TDRKH: variants seen among roughly 807,000 people sequenced by gnomAD.
TDRKH encodes the protein tudor and KH domain containing.
TDRKH carries 28 observed loss-of-function variants against 61.3 expected under a neutral mutation model. The ratio of observed to expected loss-of-function variants is 0.46; its 90% CI spans 0.34 to 0.63. TDRKH has a LOEUF of 0.63. Among genes scored for constraint, TDRKH ranks in the 20% least tolerant of loss-of-function variants. The pLI is 0.01. For missense variants in TDRKH, 540 were observed against 683.4 expected, an observed-to-expected ratio of 0.79 and a Z score of 2.34; for synonymous variants, 219 against 244.4, an observed-to-expected ratio of 0.90 and a Z score of 0.97.
downstream of TDRKH, among the ~76,000 whole-genome samples, chr1:151,769,150 C>T (rs1648491279): frequency 6.6e-6 from 1 of 152,042 alleles, no homozygotes; most frequent in Non-Finnish European, 1.5e-5. Flanking sequence ...CCATCGTCAT[C>T]ATGGCCCATT....
chr1:151,766,586 G>A (rs1431676722), downstream of TDRKH: 3 of 897,418 alleles, frequency 3.3e-6, no homozygotes, highest in Admixed American at 7.3e-5. Flanking sequence ...GCAGAGTGGA[G>A]TCCTGAGGTG....
downstream of TDRKH, among the ~76,000 whole-genome samples, chr1:151,772,282 C>G (rs56209851): frequency 0.99 from 150,119 of 152,122 alleles, 74,104 homozygotes; most frequent in East Asian, 1. Context: ...TTTGTATTTA[C>G]GGGTTTCAGC....
At chr1:151,771,587 A>G (rs1334067923), downstream of TDRKH, 5 of 334,620 alleles carry the variant, frequency 1.5e-5, no homozygotes, top group East Asian at 5.0e-5. Context: ...TTTTATCCAT[A>G]TATTTCAGTT....
downstream of TDRKH, chr1:151,767,464 A>T (rs1648405879): frequency 2.9e-6 from 4 of 1,367,580 alleles, no homozygotes; most frequent in Middle Eastern, 2.5e-4. Context: ...TGGCCCACAG[A>T]CTGTAAAATC....
At chr1:151,770,732 G>A (rs1188996537), downstream of TDRKH, among the ~76,000 whole-genome samples, 2 of 152,194 alleles carry the variant, frequency 1.3e-5, no homozygotes, top group Admixed American at 6.5e-5. Context: ...CTATTTCAGA[G>A]CTTACTATGT....
At chr1:151,768,357 G>C, downstream of TDRKH, 1 of 1,390,998 alleles carries the variant, frequency 7.2e-7, no homozygotes, top group African/African-American at 1.4e-5. Flanking sequence ...CTGGCATGCA[G>C]ACAAGCCTGT....
At chr1:151,790,208 G>A (rs1398307298) in intron 1 of TDRKH, among the ~76,000 whole-genome samples, 172 bp downstream of exon 1, 7 of 152,154 alleles carry the variant, frequency 4.6e-5, no homozygotes, top group Non-Finnish European at 1.0e-4. Flanking sequence ...TTCCCAGTGG[G>A]TCAAGTTGCC....
chr1:151,779,100 T>C lies in TDRKH; in HGVS notation c.561+3A>G. 3 of 1,614,074 alleles carry C rather than the reference T, an allele frequency of 1.9e-6. No individual in the cohort carries two copies. The highest frequency in any genetic ancestry group is 2.5e-6 in the Non-Finnish European group (3 of 1,179,998). Reference sequence around the variant, plus strand: ...GTATAATTCAAGTCTATTAGCTACTTGCCTTGGCTGCTGCCACTTCCTTCT... The same window carrying C: ...GTATAATTCAAGTCTATTAGCTACTCGCCTTGGCTGCTGCCACTTCCTTCT... On this transcript the variant is annotated splice_donor_region_variant and intron_variant, in intron 5 of 12. Transcript: ENST00000368824.
At chr1:151,775,678 T>C (rs1649094687) in intron 9 of TDRKH, 135 bp from the exon 10 acceptor site, 1 of 1,488,900 alleles carries the variant, frequency 6.7e-7, no homozygotes, top group African/African-American at 1.4e-5. Context: ...GGCAAGTTTC[T>C]GGCTGCTGCT....
At position 151,780,120 on chromosome 1, in the gene TDRKH, A is replaced by AGCAC; in HGVS notation, c.248_251dup (p.Arg85CysfsTer4). The AGCAC allele has an allele frequency of 6.2e-7, 1 of 1,612,176 alleles. No individual in the cohort carries two copies. Among genetic ancestry groups the AGCAC allele is most frequent in the Admixed American group, 1.7e-5 (1 of 59,988 alleles). ...CATCCTCTGTGTCCACATCAATCCGAGCACCTGTCTGTTTCCGCAGCTGCA... is the reference window on the plus strand; with the variant it reads ...CATCCTCTGTGTCCACATCAATCCGAGCACGCACCTGTCTGTTTCCGCAGCTGCA... On this transcript the variant is annotated frameshift_variant, in exon 4 of 13. Transcript: ENST00000368824. LOFTEE classifies it high-confidence loss of function.
Position 151,781,474 on chromosome 1 carries a change from C to T in TDRKH, c.231+7G>A. 1.2e-6 allele frequency: 2 copies of T among 1,612,758 alleles called. No individual in the cohort carries two copies. The highest frequency in any genetic ancestry group is 1.7e-6 in the Non-Finnish European group (2 of 1,179,212). ...TGGGAAAGCAGACTGCCTACTCACA[C>T]ACTTACCTGTTTAATATTGGCTCCT... On this transcript the variant is annotated splice_region_variant and intron_variant, in intron 3 of 12. Transcript: ENST00000368824.
In TDRKH at chr1:151,775,441, C is replaced by A. The variant is rs754867534; in HGVS notation, c.1385G>T (p.Gly462Val). The A allele has an allele frequency of 6.2e-7, 1 of 1,614,058 alleles. No homozygotes were observed. The highest frequency in any genetic ancestry group is 8.5e-7 in the Non-Finnish European group (1 of 1,180,004). ...GTAGATCTTTGGCCAAGTTGAGATC[C>A]CAGTCTGGACATAGCTAGAGATCTT... ...VAKISSYVQTGISTWPKIYLY... is the reference protein window; with the variant it reads ...VAKISSYVQTVISTWPKIYLY... Residue 462 changes from glycine to valine, a missense_variant, in exon 10 of 13, where the codon GGG becomes GTG. This residue lies in a region of TDRKH where 379 missense variants were observed against 443.8 expected (regional missense o/e 0.85). Transcript: ENST00000368824.
chr1:151,783,790 G>A (rs760944301), intron 1 of TDRKH: 4 of 152,202 alleles, frequency 2.6e-5, no homozygotes, highest in Non-Finnish European at 5.9e-5. Flanking sequence ...GCTCTCTTTA[G>A]ACCATTTCAT....
downstream of TDRKH, chr1:151,768,236 G>A (rs369722969): frequency 1.2e-6 from 2 of 1,608,004 alleles, no homozygotes; most frequent in Non-Finnish European, 1.7e-6. Context: ...CGGGAAAGGT[G>A]ACTGAGCCTG....
downstream of TDRKH, chr1:151,771,138 C>T (rs758298536): frequency 5.0e-6 from 8 of 1,613,302 alleles, no homozygotes; most frequent in Non-Finnish European, 6.8e-6. Flanking sequence ...ATCACCCTGC[C>T]CTCCCTCCCT....
At chr1:151,770,020 C>T (rs1648594693), downstream of TDRKH, 10 of 1,297,846 alleles carry the variant, frequency 7.7e-6, no homozygotes, top group African/African-American at 4.5e-5. Context: ...GAGATGGCAG[C>T]AGTACAGTCC....
chr1:151,774,239 A>C lies in TDRKH; in HGVS notation c.*213T>G. ...TCCTATGCCAAATCCTGCCAAAGAC[A>C]GAAATACACAAAAAGCTTGAAAGTG... On this transcript the variant is annotated 3_prime_UTR_variant, in exon 13 of 13. Transcript: ENST00000368824. The C allele has an allele frequency of 1.7e-6, 1 of 576,798 alleles. No individual in the cohort carries two copies. The highest frequency in any genetic ancestry group is 3.0e-6 in the Non-Finnish European group (1 of 327,938). The allele number at this position is 576,798 out of a possible 1,614,324, so 35.7% of individuals were successfully genotyped here. A position where few individuals can be genotyped will look rare whatever the true frequency, so the allele number is the denominator to read the frequency against.
chr1:151,773,352 G>T (rs1206597768), downstream of TDRKH: 2 of 152,552 alleles, frequency 1.3e-5, no homozygotes, highest in Non-Finnish European at 2.9e-5. Flanking sequence ...TGACTTTAGA[G>T]AAAGAATATG....
downstream of TDRKH, chr1:151,771,684 A>C (rs951154383): frequency 2.6e-6 from 1 of 377,918 alleles, no homozygotes; most frequent in African/African-American, 2.1e-5. Flanking sequence ...CGGACAGAAT[A>C]GGTAACATAG....
Sources: allele counts gnomAD v4.1 joint callset (sites outside exome capture counted in the v4.1 genomes callset), GRCh38; gene constraint gnomAD v4.1.1; regional missense constraint gnomAD v4.1.1; transcripts MANE v1.5; gene names NCBI Gene and HGNC (gene_info 2026-07-23, HGNC 2026-07-21).